Variants in EPHA4 observed in about 807,000 individuals in gnomAD.
EPHA4 encodes ephrin type-A receptor 4.
EPHA4 carries 19 observed loss-of-function variants against 108.3 expected under a neutral mutation model. The ratio of observed to expected loss-of-function variants is 0.18; its 90% CI spans 0.12 to 0.26. The LOEUF (loss-of-function observed/expected upper bound fraction) is 0.26, where lower values mean the gene tolerates loss of function less well. Ranked by LOEUF, EPHA4 falls within the 10% of genes least tolerant of loss-of-function variation. The probability of loss-of-function intolerance (pLI) is 1.00; values close to 1 mark genes in which losing one functional copy is unlikely to be tolerated. For missense variants in EPHA4, 917 were observed against 1,254.0 expected (o/e 0.73, Z 4.06); for synonymous variants, 449 against 455.5 (o/e 0.99, Z 0.18).
intron 12 of EPHA4, 38 bp from the exon 13 acceptor site, chr2:221,436,646 T>A: frequency 6.3e-7 from 1 of 1,577,052 alleles, no homozygotes; most frequent in South Asian, 1.1e-5. Flanking sequence ...CTCATTAGCA[T>A]TAGGCCAAGT....
At chr2:221,516,511 C>G (rs1180699518) in intron 3 of EPHA4, among the ~76,000 whole-genome samples, 2 of 152,024 alleles carry the variant, frequency 1.3e-5, no homozygotes, top group Non-Finnish European at 2.9e-5. Flanking sequence ...TCCGCCGCGA[C>G]CCCTGGTTAA....
chr2:221,451,344 C>T (rs912629521), intron 8 of EPHA4, among the ~76,000 whole-genome samples: 6 of 151,986 alleles, frequency 3.9e-5, no homozygotes, highest in Non-Finnish European at 8.8e-5. Context: ...AAGAGGGTGT[C>T]AGAGAAAATT....
intron 14 of EPHA4, among the ~76,000 whole-genome samples, chr2:221,433,939 T>C (rs775445923): frequency 2.1e-4 from 32 of 152,228 alleles, no homozygotes; most frequent in Non-Finnish European, 4.3e-4. Context: ...TCTCCCATAC[T>C]GTACCATGTA....
intron 9 of EPHA4, among the ~76,000 whole-genome samples, chr2:221,444,810 T>A (rs1338052906): frequency 1.5e-5 from 2 of 133,674 alleles, no homozygotes; most frequent in Non-Finnish European, 3.1e-5. Flanking sequence ...CAGGCTGGAG[T>A]ACAGTGGTAG....
chr2:221,557,708 A>G (rs899648453), intron 3 of EPHA4, among the ~76,000 whole-genome samples: 3 of 152,190 alleles, frequency 2.0e-5, no homozygotes, highest in Non-Finnish European at 4.4e-5. Context: ...GACCCAATTG[A>G]GTAGAAATCA....
intron 3 of EPHA4, among the ~76,000 whole-genome samples, chr2:221,549,043 G>A (rs1342296640): frequency 2.6e-5 from 4 of 152,128 alleles, no homozygotes; most frequent in Non-Finnish European, 5.9e-5. Context: ...ACTGAATGAA[G>A]AATCATCCTG....
chr2:221,441,107 C>A (rs868095593), intron 11 of EPHA4, among the ~76,000 whole-genome samples: 1 of 152,024 alleles, frequency 6.6e-6, no homozygotes, highest in African/African-American at 2.4e-5. Flanking sequence ...ATTTTAGTAA[C>A]CACCTCATTT....
At chr2:221,488,358 C>T (rs1375013114) in intron 4 of EPHA4, among the ~76,000 whole-genome samples, 2 of 152,146 alleles carry the variant, frequency 1.3e-5, no homozygotes, top group Non-Finnish European at 2.9e-5. Context: ...ATGTATATAG[C>T]CCAGGTGACA....
In EPHA4 at chr2:221,430,123, C is replaced by A. The variant is rs779866081; in HGVS notation, c.2525G>T (p.Arg842Leu). 6.2e-7 allele frequency: 1 copy of A among 1,609,692 alleles called. No homozygotes were observed. Among genetic ancestry groups the A allele is most frequent in the South Asian group, 1.1e-5 (1 of 90,114 alleles). ...GGGGCAGTCCATTGGAGGGGGTAAC[C>A]GATAGCCTTCCTCAATGGCTTTAAT... ...DVIKAIEEGYRLPPPMDCPIA... is the reference protein window; with the variant it reads ...DVIKAIEEGYLLPPPMDCPIA... Residue 842 changes from arginine (R) to leucine (L), a missense_variant, in exon 15 of 18, where the codon CGG (arginine) becomes CTG (leucine). Physicochemically the swap from Arg to Leu is moderately radical, Grantham distance 102. Around this residue, in one of 3 missense-constraint regions of EPHA4, gnomAD observed 758 missense variants for 1,076.7 expected, o/e 0.70. Transcript: ENST00000281821.
Position 221,436,387 on chromosome 2 carries a change from G to A in EPHA4, c.2346+12C>T, listed in dbSNP as rs369988785. ...CCAGAGTGAAAGCCCAGATGTCACCGATCTTTCTTACCCTGGTGGTGTAAG... is the reference window on the plus strand; with the variant it reads ...CCAGAGTGAAAGCCCAGATGTCACCAATCTTTCTTACCCTGGTGGTGTAAG... On this transcript the variant is annotated intron_variant, in intron 13 of 17. Coordinates refer to ENST00000281821, the MANE Select transcript of EPHA4 (RefSeq NM_004438.5). 1.5e-5 allele frequency: 25 copies of A among 1,613,020 alleles called. No homozygotes were observed. Among genetic ancestry groups the A allele is most frequent in the Non-Finnish European group, 2.0e-5 (24 of 1,179,030 alleles).
chr2:221,426,638 A>T lies in EPHA4; in HGVS notation c.2691-19T>A. 2 of 1,606,900 alleles carry T rather than the reference A, an allele frequency of 1.2e-6. No individual in the cohort carries two copies. Among genetic ancestry groups the T allele is most frequent in the South Asian group, 1.1e-5 (1 of 89,466 alleles). ...GTTAGGTCTAGAAAGAGAACAAGAA[A>T]ATATAAGCAGAACGGAGCTACCAGT... On this transcript the variant is annotated intron_variant, in intron 15 of 17. Transcript: ENST00000281821.
chr2:221,524,132 G>A (rs1217985720), intron 3 of EPHA4, among the ~76,000 whole-genome samples: 1 of 152,206 alleles, frequency 6.6e-6, no homozygotes, highest in African/African-American at 2.4e-5. Context: ...CAAAGTTCAT[G>A]AAGTAGCGGA....
At chr2:221,441,253 G>T (rs149474281) in intron 11 of EPHA4, among the ~76,000 whole-genome samples, 7 of 146,620 alleles carry the variant, frequency 4.8e-5, no homozygotes, top group Non-Finnish European at 1.0e-4. Context: ...TAGAGTCCAG[G>T]TGCCTCTGTC....
At chr2:221,517,452 G>T (rs538883480) in intron 3 of EPHA4, among the ~76,000 whole-genome samples, 1 of 152,080 alleles carries the variant, frequency 6.6e-6, no homozygotes, top group Non-Finnish European at 1.5e-5. Context: ...GATTCATTTG[G>T]CTGCTGGTAG....
chr2:221,572,022 G>A, intron 1 of EPHA4, 136 bp downstream of exon 1: 3 of 737,414 alleles, frequency 4.1e-6, no homozygotes, highest in Non-Finnish European at 4.6e-6. Flanking sequence ...CCTCGCCTCA[G>A]CCCCCTTCTC....
At chr2:221,534,541 G>C (rs897625667) in intron 3 of EPHA4, among the ~76,000 whole-genome samples, 3 of 152,200 alleles carry the variant, frequency 2.0e-5, no homozygotes, top group Non-Finnish European at 2.9e-5. Context: ...CCTGGCTACA[G>C]TGGCTGTGGT....
chr2:221,452,212 T>C (rs989361558), intron 8 of EPHA4, among the ~76,000 whole-genome samples: 34 of 152,266 alleles, frequency 2.2e-4, no homozygotes, highest in African/African-American at 7.5e-4. Flanking sequence ...GATCTATCTG[T>C]AGCATCCATT....
intron 3 of EPHA4, among the ~76,000 whole-genome samples, chr2:221,525,239 C>T (rs530473467): frequency 6.6e-6 from 1 of 152,226 alleles, no homozygotes; most frequent in South Asian, 2.1e-4. Flanking sequence ...GAGAGGACAC[C>T]CATCACGCTG....
intron 3 of EPHA4, among the ~76,000 whole-genome samples, chr2:221,542,010 C>A (rs1693854197): frequency 6.6e-6 from 1 of 152,098 alleles, no homozygotes; most frequent in Admixed American, 6.5e-5. Flanking sequence ...AGAAGAGTTA[C>A]AGAAAGCAGA....
Sources: allele counts gnomAD v4.1 joint callset (sites outside exome capture counted in the v4.1 genomes callset), GRCh38; gene constraint gnomAD v4.1.1; regional missense constraint gnomAD v4.1.1; transcripts MANE v1.5; gene names NCBI Gene and HGNC (gene_info 2026-07-23, HGNC 2026-07-21).